Variants in THRB observed in about 807,000 individuals in gnomAD.
THRB encodes the protein nuclear receptor subfamily 1 group A member 2.
A neutral mutation model predicts 47.8 loss-of-function variants in THRB; 12 were observed. The observed-to-expected ratio is 0.25, with a 90% CI of 0.16 to 0.41. The LOEUF is 0.41. THRB is among the 10% of genes least tolerant of loss of function. The pLI, the probability that THRB is intolerant of heterozygous loss-of-function variation, is 1.00. For missense variants in THRB, 348 were observed against 589.2 expected (o/e 0.59, Z 4.24); for synonymous variants, 218 against 212.2 (o/e 1.03, Z -0.24).
intron 4 of THRB, among the ~76,000 whole-genome samples, chr3:24,206,863 T>C (rs1309619301): frequency 2.0e-5 from 3 of 152,194 alleles, no homozygotes; most frequent in East Asian, 1.9e-4. Context: ...GAGAATACTA[T>C]AAAAACCTCT....
intron 7 of THRB, among the ~76,000 whole-genome samples, chr3:24,146,213 A>G (rs2036080841): frequency 6.6e-6 from 1 of 152,212 alleles, no homozygotes; most frequent in African/African-American, 2.4e-5. Flanking sequence ...CCCCATCTCC[A>G]AAAATGTCCA....
Position 24,186,667 on chromosome 3 carries a change from C to T in THRB, c.283+3407G>A, listed in dbSNP as rs183061007. 7.2e-5 allele frequency among the ~76,000 whole-genome samples: 11 copies of T among 152,148 alleles called. No individual in the cohort carries two copies. The South Asian group carries it at 1.7e-3, about 23-fold the overall frequency. ...CAGGTTAAAATAAAAGCAGTAAGGC[C>T]GGGTGCAGTGGCTCATGCCTGTAAT... On this transcript the variant is annotated intron_variant, in intron 5 of 10. Coordinates refer to ENST00000646209, the MANE Select transcript of THRB (RefSeq NM_001354712.2).
chr3:24,150,996 G>C (rs1360311395), intron 6 of THRB, among the ~76,000 whole-genome samples: 2 of 152,096 alleles, frequency 1.3e-5, no homozygotes, highest in Non-Finnish European at 2.9e-5. Flanking sequence ...TTAATAAATA[G>C]CCAGAACTTA....
intron 2 of THRB, among the ~76,000 whole-genome samples, chr3:24,306,474 T>C (rs1424147743): frequency 6.6e-6 from 1 of 152,212 alleles, no homozygotes; most frequent in Non-Finnish European, 1.5e-5. Context: ...GCAGGAATTA[T>C]AAATGGGCTG....
Position 24,122,190 on chromosome 3 carries a change from A to G in THRB, c.*694T>C, listed in dbSNP as rs1286648959. 2 of 153,088 alleles carry G rather than the reference A, an allele frequency of 1.3e-5. No homozygotes were observed. Among genetic ancestry groups the G allele is most frequent in the Non-Finnish European group, 2.9e-5 (2 of 68,396 alleles). The allele number at this position is 153,088 out of a possible 1,614,324, so 9.5% of individuals were successfully genotyped here. A position where few individuals can be genotyped will look rare whatever the true frequency, so the allele number is the denominator to read the frequency against. Reference sequence around the variant, plus strand: ...GAAGATTTCTAATTTCTCTGGGCTCACTGAAAAAAAATATTTTCCTTGTTG... The same window carrying G: ...GAAGATTTCTAATTTCTCTGGGCTCGCTGAAAAAAAATATTTTCCTTGTTG... On this transcript the variant is annotated 3_prime_UTR_variant, in exon 11 of 11. Transcript: ENST00000646209.
At chr3:24,452,304 C>T (rs751427008) in intron 1 of THRB, among the ~76,000 whole-genome samples, 1 of 152,080 alleles carries the variant, frequency 6.6e-6, no homozygotes, top group African/African-American at 2.4e-5. Context: ...ATTTTTGGCA[C>T]CCCCTTCCGT....
intron 1 of THRB, among the ~76,000 whole-genome samples, chr3:24,476,112 G>C (rs1271188057): frequency 2.0e-5 from 3 of 152,200 alleles, no homozygotes; most frequent in Non-Finnish European, 4.4e-5. Flanking sequence ...CTGCCTGCAA[G>C]ATCGAAAGTA....
intron 1 of THRB, among the ~76,000 whole-genome samples, chr3:24,342,384 T>C (rs928768772): frequency 5.9e-5 from 9 of 152,012 alleles, no homozygotes; most frequent in African/African-American, 1.9e-4. Context: ...CCCTAAGCTA[T>C]CGAGATGAGA....
At chr3:24,145,183 A>G (rs2149020829) in intron 7 of THRB, among the ~76,000 whole-genome samples, 1 of 151,962 alleles carries the variant, frequency 6.6e-6, no homozygotes, top group African/African-American at 2.4e-5. Flanking sequence ...TTTGATGAAC[A>G]TTATCTAATT....
chr3:24,400,525 CAAA>C (rs1184521288), intron 1 of THRB, among the ~76,000 whole-genome samples: 5 of 151,882 alleles, frequency 3.3e-5, no homozygotes, highest in Non-Finnish European at 7.4e-5. Flanking sequence ...GAAAAACACT[CAAA>C]AAGAGTTCAA....
Position 24,120,658 on chromosome 3 carries a change from T to C in THRB, c.*2226A>G, listed in dbSNP as rs1201223450. ...TAAGTGTTTGTCTTCCAAAGAGCGG[T>C]TGGTTCCTCAAGGAGTCAAGAGAGG... is the stretch of plus-strand genomic sequence containing the variant. On this transcript the variant is annotated 3_prime_UTR_variant, in exon 11 of 11. Transcript: ENST00000646209. 6.6e-6 allele frequency: 1 copy of C among 152,234 alleles called. No homozygotes were observed. Among genetic ancestry groups the C allele is most frequent in the African/African-American group, 2.4e-5 (1 of 41,456 alleles). 9.4% of individuals were successfully genotyped at this position (152,234 alleles called of 1,614,324 possible).
intron 3 of THRB, 82 bp from the exon 4 acceptor site, chr3:24,229,083 CATTA>C: frequency 1.2e-6 from 1 of 840,398 alleles, no homozygotes; most frequent in South Asian, 1.4e-5. Context: ...ATATCATATG[CATTA>C]ATTACCTTGA....
At chr3:24,292,078 T>C (rs1168683664) in intron 3 of THRB, among the ~76,000 whole-genome samples, 2 of 152,144 alleles carry the variant, frequency 1.3e-5, no homozygotes, top group African/African-American at 2.4e-5. Flanking sequence ...GAAAGTTATA[T>C]AGAGAGGTAT....
At chr3:24,475,641 T>A (rs1028738772) in intron 1 of THRB, among the ~76,000 whole-genome samples, 2 of 152,208 alleles carry the variant, frequency 1.3e-5, no homozygotes, top group Non-Finnish European at 2.9e-5. Flanking sequence ...GACAGTTTTT[T>A]AAAAATGAGC....
Position 24,170,708 on chromosome 3 carries a change from G to A in THRB, c.284-18218C>T, listed in dbSNP as rs555561446. Among the ~76,000 whole-genome samples, 9 of 152,146 alleles carry A rather than the reference G, an allele frequency of 5.9e-5. No individual in the cohort carries two copies. In the South Asian group the frequency reaches 1.5e-3, roughly 25 times the overall value. On this transcript the variant is annotated intron_variant, in intron 5 of 10. Transcript: ENST00000646209. The stretch of plus-strand genomic sequence containing the variant: ...TCACAGGACAGAGCCCTTCTCATTT[G>A]TTTGGATGGAGCCTAAGTGACATTT...
Position 24,195,800 on chromosome 3 carries a change from G to A in THRB, c.23-5466C>T, listed in dbSNP as rs76890327. On this transcript the variant is annotated intron_variant, in intron 4 of 10. Coordinates refer to ENST00000646209, the MANE Select transcript of THRB (RefSeq NM_001354712.2). ...TCTTGCAGAAGCTCTTTCCTATGCT[G>A]CAGTGCCCCTGTCCAAATCCTTATA... Among the ~76,000 whole-genome samples, 1,406 of 152,290 alleles carry A rather than the reference G, an allele frequency of 9.2e-3. 28 individuals carry two copies. The highest frequency in any genetic ancestry group is 0.032 in the African/African-American group (1,329 of 41,556).
At position 24,119,655 on chromosome 3, in the gene THRB, A is replaced by T. The variant is rs2031291646; in HGVS notation, c.*3229T>A. The T allele has an allele frequency of 6.6e-6, 1 of 152,224 alleles. No homozygotes were observed. The highest frequency in any genetic ancestry group is 6.5e-5 in the Admixed American group (1 of 15,278). 9.4% of individuals were successfully genotyped at this position (152,224 alleles called of 1,614,324 possible). On this transcript the variant is annotated 3_prime_UTR_variant, in exon 11 of 11. Coordinates refer to ENST00000646209, the MANE Select transcript of THRB (RefSeq NM_001354712.2). ...CCCAGGCCTGCACTGCACACTGAAG[A>T]GCTGTCGCCCGGGGCACAGGTGAGG...
At chr3:24,445,502 T>C (rs1218316958) in intron 1 of THRB, among the ~76,000 whole-genome samples, 2 of 152,120 alleles carry the variant, frequency 1.3e-5, no homozygotes, top group African/African-American at 4.8e-5. Flanking sequence ...AGGTAGTTCA[T>C]AAGCAAAATA....
chr3:24,413,632 T>C (rs1402787200), intron 1 of THRB, among the ~76,000 whole-genome samples: 2 of 151,800 alleles, frequency 1.3e-5, no homozygotes, highest in Non-Finnish European at 2.9e-5. Flanking sequence ...GTTTGTTACA[T>C]ATGTATACAT....
Sources: gnomAD v4.1 joint callset for allele counts (sites outside exome capture counted in the v4.1 genomes callset) on GRCh38, gnomAD v4.1.1 for gene constraint, MANE v1.5 for transcripts, NCBI Gene and HGNC (gene_info 2026-07-23, HGNC 2026-07-21) for gene names.